Variants in STAU2 observed in about 807,000 individuals in gnomAD.
STAU2 encodes staufen double-stranded RNA binding protein 2, also known as double-stranded RNA-binding protein Staufen homolog 2.
In STAU2, 20 loss-of-function variants were observed where a neutral mutation model predicts 65.9. The ratio of observed to expected loss-of-function variants is 0.30; its 90% CI spans 0.21 to 0.44. The LOEUF is 0.44. STAU2 is among the 20% of genes least tolerant of loss of function. The pLI is 1.00. For missense variants in STAU2, 558 were observed against 683.9 expected (o/e 0.82, Z 2.05); for synonymous variants, 232 against 233.9 (o/e 0.99, Z 0.07).
chr8:73,466,506 G>C (rs1415123006), intron 13 of STAU2, among the ~76,000 whole-genome samples: 2 of 152,202 alleles, frequency 1.3e-5, no homozygotes, highest in South Asian at 2.1e-4. Flanking sequence ...ACTTAAGCCA[G>C]TGTCAAGAGG....
At chr8:73,442,839 A>C (rs1818262833) in intron 13 of STAU2, among the ~76,000 whole-genome samples, 1 of 152,184 alleles carries the variant, frequency 6.6e-6, no homozygotes, top group African/African-American at 2.4e-5. Context: ...ATTTTTTAAA[A>C]TTTTTGCCTG....
chr8:73,540,694 A>G (rs1401340288), intron 13 of STAU2, among the ~76,000 whole-genome samples: 1 of 152,222 alleles, frequency 6.6e-6, no homozygotes, highest in East Asian at 1.9e-4. Flanking sequence ...TGCAGATATC[A>G]AAGTAAAATA....
intron 10 of STAU2, among the ~76,000 whole-genome samples, chr8:73,595,961 A>C (rs1037551194): frequency 2.0e-5 from 3 of 152,136 alleles, no homozygotes; most frequent in African/African-American, 7.2e-5. Context: ...AAAATACAAA[A>C]ATTAGCCAGG....
At chr8:73,616,536 C>A (rs905676794) in intron 7 of STAU2, among the ~76,000 whole-genome samples, 2 of 151,972 alleles carry the variant, frequency 1.3e-5, no homozygotes, top group African/African-American at 2.4e-5. Flanking sequence ...TGGTGGCTCA[C>A]GCCTGTAATC....
At chr8:73,621,945 TTC>T (rs1181485521) in intron 6 of STAU2, among the ~76,000 whole-genome samples, 6 of 149,556 alleles carry the variant, frequency 4.0e-5, no homozygotes, top group East Asian at 4.0e-4. Flanking sequence ...GGTTAGGTCT[TTC>T]TCTCTTTTTT....
At chr8:73,592,310 G>A (rs1042634601) in intron 11 of STAU2, among the ~76,000 whole-genome samples, 7 of 151,952 alleles carry the variant, frequency 4.6e-5, no homozygotes, top group South Asian at 4.2e-4. Context: ...AAAGAGTAAA[G>A]AAATGTTATT....
chr8:73,552,255 T>C lies in STAU2; in HGVS notation c.1287A>G (p.Lys429=). ...VYQEMEASRH[K]VISGTTLGYL... is the part of the protein sequence containing the mutation. The stretch of plus-strand genomic sequence containing the variant: ...AGCCTAGAGTAGTGCCAGAGATTAC[T>C]TTGTGGCGGCTGGCTTCCATCTCTT... Residue 429 remains lysine, a synonymous_variant, in exon 13 of 15, where the codon AAA becomes AAG. Coordinates refer to ENST00000524300, the MANE Select transcript of STAU2 (RefSeq NM_001164380.2). The C allele has an allele frequency of 1.9e-6, 3 of 1,613,894 alleles. No homozygotes were observed. Among genetic ancestry groups the C allele is most frequent in the Non-Finnish European group, 2.5e-6 (3 of 1,179,836 alleles).
At chr8:73,568,605 T>C (rs901640204) in intron 12 of STAU2, among the ~76,000 whole-genome samples, 2 of 54,362 alleles carry the variant, frequency 3.7e-5, no homozygotes, top group African/African-American at 6.9e-5. Context: ...TGAGACCCTA[T>C]CTCAAAAAAA....
At chr8:73,572,066 A>T (rs1430748945) in intron 12 of STAU2, among the ~76,000 whole-genome samples, 1 of 152,226 alleles carries the variant, frequency 6.6e-6, no homozygotes, top group Non-Finnish European at 1.5e-5. Flanking sequence ...GATAAAGGGG[A>T]TATCACCACC....
chr8:73,444,332 G>C (rs1038723410), intron 13 of STAU2, among the ~76,000 whole-genome samples: 2 of 151,430 alleles, frequency 1.3e-5, no homozygotes, highest in Non-Finnish European at 2.9e-5. Flanking sequence ...CTTGAATCCA[G>C]GAGGTGGAGG....
chr8:73,731,363 A>G (rs1806057792), intron 3 of STAU2, among the ~76,000 whole-genome samples: 1 of 151,750 alleles, frequency 6.6e-6, no homozygotes, highest in Non-Finnish European at 1.5e-5. Flanking sequence ...CCAAATTTTT[A>G]TCTTTGTCTT....
chr8:73,559,596 G>A (rs1808042234), intron 12 of STAU2, among the ~76,000 whole-genome samples: 1 of 152,196 alleles, frequency 6.6e-6, no homozygotes, highest in East Asian at 1.9e-4. Flanking sequence ...TATTAGTTAA[G>A]AGTACATGTG....
chr8:73,591,860 C>T (rs1239175223), intron 11 of STAU2, among the ~76,000 whole-genome samples: 6 of 113,968 alleles, frequency 5.3e-5, no homozygotes, highest in African/African-American at 2.1e-4. Flanking sequence ...AGTAAAAACC[C>T]ATACAGCGTG....
intron 6 of STAU2, among the ~76,000 whole-genome samples, chr8:73,670,927 C>T (rs1043381768): frequency 2.0e-5 from 3 of 151,884 alleles, no homozygotes; most frequent in African/African-American, 7.3e-5. Context: ...AACAAATACA[C>T]AATTAAAAGC....
intron 11 of STAU2, among the ~76,000 whole-genome samples, chr8:73,594,170 C>T (rs1008651015): frequency 4.6e-5 from 7 of 151,990 alleles, no homozygotes; most frequent in South Asian, 2.1e-4. Context: ...TTAGGTTTCA[C>T]GTTACAAATA....
Position 73,746,824 on chromosome 8 carries a change from A to G in STAU2, c.-238T>C. The stretch of plus-strand genomic sequence containing the variant: ...CTTTGCAGACGGCTCCAACATTGGC[A>G]AACACTACAGAGAACTGACCCCGCT... On this transcript the variant is annotated 5_prime_UTR_variant, in exon 1 of 15. Transcript: ENST00000524300. 8.1e-7 allele frequency: 1 copy of G among 1,229,614 alleles called. No individual in the cohort carries two copies. The highest frequency in any genetic ancestry group is 1.0e-6 in the Non-Finnish European group (1 of 985,540). The allele number at this position is 1,229,614 out of a possible 1,614,324, so 76.2% of individuals were successfully genotyped here.
chr8:73,694,512 G>A (rs1253970072), intron 4 of STAU2, among the ~76,000 whole-genome samples: 1 of 152,098 alleles, frequency 6.6e-6, no homozygotes, highest in Non-Finnish European at 1.5e-5. Flanking sequence ...TACAGAAGAG[G>A]GTAGAGTAAA....
intron 6 of STAU2, among the ~76,000 whole-genome samples, chr8:73,666,324 T>TA (rs576877933): frequency 2.6e-5 from 4 of 152,230 alleles, no homozygotes; most frequent in Non-Finnish European, 5.9e-5. Context: ...TCTTGGCTAT[T>TA]ATTAATTTTA....
At chr8:73,429,413 CTTTTTTTTTTTTTTTTTTTT>C (rs71561522) in intron 13 of STAU2, among the ~76,000 whole-genome samples, 8 of 65,314 alleles carry the variant, frequency 1.2e-4, no homozygotes, top group Non-Finnish European at 1.8e-4. Flanking sequence ...TTGCTCAGGT[CTTTTTTTTTTTTTTTTTTTT>C]TTTTTTTTTT....
Sources: allele counts gnomAD v4.1 joint callset (sites outside exome capture counted in the v4.1 genomes callset), GRCh38; gene constraint gnomAD v4.1.1; transcripts MANE v1.5; gene names NCBI Gene and HGNC (gene_info 2026-07-23, HGNC 2026-07-21).